TAFA1: variants seen among roughly 807,000 people sequenced by gnomAD.
TAFA1 encodes the protein TAFA chemokine like family member 1.
TAFA1 carries 4 observed loss-of-function variants against 18.5 expected under a neutral mutation model. That is an observed-to-expected ratio of 0.22 (90% CI 0.11 to 0.49). The LOEUF is 0.49. Among genes scored for constraint, TAFA1 ranks in the 20% least tolerant of loss-of-function variants. TAFA1 has a pLI of 0.98. For missense variants in TAFA1, 147 were observed against 169.0 expected (o/e 0.87, Z 0.72); for synonymous variants, 56 against 55.2 (o/e 1.01, Z -0.06).
At chr3:68,222,340 C>A (rs932531683) in intron 2 of TAFA1, among the ~76,000 whole-genome samples, 2 of 152,092 alleles carry the variant, frequency 1.3e-5, no homozygotes, top group Admixed American at 6.5e-5. Flanking sequence ...TCTGATATAT[C>A]TTTATTTGCA....
At chr3:68,181,305 G>C (rs1411886312) in intron 2 of TAFA1, among the ~76,000 whole-genome samples, 1 of 148,522 alleles carries the variant, frequency 6.7e-6, no homozygotes, top group Non-Finnish European at 1.5e-5. Flanking sequence ...GAAATTTAGA[G>C]TAATTTGTTA....
At chr3:68,222,475 G>A (rs1553654647) in intron 2 of TAFA1, among the ~76,000 whole-genome samples, 1 of 152,014 alleles carries the variant, frequency 6.6e-6, no homozygotes, top group African/African-American at 2.4e-5. Context: ...AGGGTTACTA[G>A]CTTAGTTATG....
intron 3 of TAFA1, among the ~76,000 whole-genome samples, chr3:68,482,099 C>T (rs1169116223): frequency 6.6e-6 from 1 of 152,232 alleles, no homozygotes; most frequent in African/African-American, 2.4e-5. Flanking sequence ...CAAGCTCTGC[C>T]TCCCGGGTTC....
At chr3:68,302,793 A>G (rs2068329611) in intron 2 of TAFA1, among the ~76,000 whole-genome samples, 1 of 152,206 alleles carries the variant, frequency 6.6e-6, no homozygotes, top group Admixed American at 6.5e-5. Flanking sequence ...TATACAAACC[A>G]GCAAGGAAAT....
intron 2 of TAFA1, among the ~76,000 whole-genome samples, chr3:68,409,059 A>G (rs1170653708): frequency 1.3e-5 from 2 of 152,312 alleles, no homozygotes; most frequent in East Asian, 1.9e-4. Context: ...TAGGAGATGT[A>G]GGCTCATACA....
chr3:68,419,445 A>T (rs552658678), intron 3 of TAFA1, among the ~76,000 whole-genome samples: 31 of 152,296 alleles, frequency 2.0e-4, no homozygotes, highest in African/African-American at 7.5e-4. Flanking sequence ...ATGGACTCTA[A>T]TACCAAATTT....
intron 2 of TAFA1, among the ~76,000 whole-genome samples, chr3:68,336,872 C>T (rs1456376840): frequency 6.6e-6 from 1 of 152,118 alleles, no homozygotes; most frequent in African/African-American, 2.4e-5. Flanking sequence ...TACAGGCATG[C>T]ACTACCATGC....
At chr3:68,362,252 G>A (rs1466571641) in intron 2 of TAFA1, among the ~76,000 whole-genome samples, 3 of 152,240 alleles carry the variant, frequency 2.0e-5, no homozygotes, top group African/African-American at 7.2e-5. Flanking sequence ...ACTGCAAGGT[G>A]TGTATTGGGC....
At chr3:68,410,439 T>G (rs2070693611) in intron 2 of TAFA1, among the ~76,000 whole-genome samples, 1 of 152,066 alleles carries the variant, frequency 6.6e-6, no homozygotes, top group Non-Finnish European at 1.5e-5. Context: ...ATTTACTTCC[T>G]AGTTGGAAAG....
At chr3:68,373,567 C>T (rs1392505859) in intron 2 of TAFA1, among the ~76,000 whole-genome samples, 3 of 152,172 alleles carry the variant, frequency 2.0e-5, no homozygotes, top group Non-Finnish European at 4.4e-5. Flanking sequence ...GTACCCCATG[C>T]CCTCTTTCTG....
chr3:68,493,641 A>G (rs1478702882), intron 3 of TAFA1, among the ~76,000 whole-genome samples: 1 of 152,206 alleles, frequency 6.6e-6, no homozygotes, highest in African/African-American at 2.4e-5. Flanking sequence ...CCTCACCAAC[A>G]CTTGTTATTT....
At chr3:68,176,944 ATATTGCTCATC>A (rs1279502824) in intron 2 of TAFA1, among the ~76,000 whole-genome samples, 2 of 151,982 alleles carry the variant, frequency 1.3e-5, no homozygotes, top group Non-Finnish European at 2.9e-5. Context: ...ATGATTCACT[ATATTGCTCATC>A]TGGTTCTTGG....
chr3:68,058,665 C>T (rs541700447), intron 2 of TAFA1, among the ~76,000 whole-genome samples: 144 of 152,242 alleles, frequency 9.5e-4, no homozygotes, highest in Middle Eastern at 3.4e-3. Context: ...GTTCTTAAAA[C>T]GATACACAAA....
At chr3:68,222,228 G>A (rs563755235) in intron 2 of TAFA1, among the ~76,000 whole-genome samples, 2 of 152,084 alleles carry the variant, frequency 1.3e-5, no homozygotes, top group Non-Finnish European at 2.9e-5. Context: ...GCCCTTTAGC[G>A]CAAACTTCAT....
intron 2 of TAFA1, among the ~76,000 whole-genome samples, chr3:68,368,747 C>T (rs1018887395): frequency 2.0e-5 from 3 of 152,062 alleles, no homozygotes; most frequent in Non-Finnish European, 4.4e-5. Flanking sequence ...TCTCTGCCAC[C>T]AAAATCTCCA....
chr3:68,114,587 C>T (rs1008483376), intron 2 of TAFA1, among the ~76,000 whole-genome samples: 2 of 152,126 alleles, frequency 1.3e-5, no homozygotes, highest in African/African-American at 2.4e-5. Context: ...GTGCTAAAAA[C>T]GATATGAGCA....
intron 3 of TAFA1, among the ~76,000 whole-genome samples, chr3:68,485,337 C>A (rs1230014521): frequency 6.6e-6 from 1 of 152,200 alleles, no homozygotes; most frequent in Non-Finnish European, 1.5e-5. Context: ...CTACCCCAAC[C>A]CACACTACAT....
chr3:68,444,793 T>C (rs1575873442), intron 3 of TAFA1, among the ~76,000 whole-genome samples: 1 of 142,000 alleles, frequency 7.0e-6, no homozygotes, highest in South Asian at 2.3e-4. Flanking sequence ...TATATATATA[T>C]ATATATATAT....
chr3:68,522,501 A>G (rs2073044026), intron 3 of TAFA1, among the ~76,000 whole-genome samples: 1 of 152,180 alleles, frequency 6.6e-6, no homozygotes, highest in Non-Finnish European at 1.5e-5. Context: ...CTTCTAGTCA[A>G]TTGGACTGGT....
Sources: gnomAD v4.1 joint callset for allele counts (sites outside exome capture counted in the v4.1 genomes callset) on GRCh38, gnomAD v4.1.1 for gene constraint, MANE v1.5 for transcripts, NCBI Gene and HGNC (gene_info 2026-07-23, HGNC 2026-07-21) for gene names.